The following RIMS2 variants were observed in gnomAD, a reference collection of about 807,000 sequenced individuals.
RIMS2 encodes the protein regulating synaptic membrane exocytosis protein 2.
In RIMS2, 59 loss-of-function variants were observed where a neutral mutation model predicts 174.4. The ratio of observed to expected loss-of-function variants is 0.34; its 90% CI spans 0.27 to 0.42. The LOEUF is 0.42. Ranked by LOEUF, RIMS2 falls within the 10% of genes least tolerant of loss-of-function variation. The probability of loss-of-function intolerance (pLI) is 1.00; values close to 1 mark genes in which losing one functional copy is unlikely to be tolerated. For missense variants in RIMS2, 1,620 were observed against 1,666.3 expected, an observed-to-expected ratio of 0.97 and a Z score of 0.48; for synonymous variants, 606 against 572.5, an observed-to-expected ratio of 1.06 and a Z score of -0.84.
intron 1 of RIMS2, among the ~76,000 whole-genome samples, chr8:103,546,991 T>G (rs1845422166): frequency 1.1e-5 from 1 of 89,100 alleles, no homozygotes; most frequent in Non-Finnish European, 2.5e-5. Context: ...ACATCCTAGC[T>G]AAAATTAGGG....
chr8:103,626,684 TG>T (rs1221781920), intron 1 of RIMS2, among the ~76,000 whole-genome samples: 2 of 152,124 alleles, frequency 1.3e-5, no homozygotes, highest in Non-Finnish European at 2.9e-5. Flanking sequence ...AAATGTCAGC[TG>T]GTCTGAGAAA....
At chr8:103,537,006 T>A (rs1840107461) in intron 1 of RIMS2, among the ~76,000 whole-genome samples, 1 of 152,262 alleles carries the variant, frequency 6.6e-6, no homozygotes, top group African/African-American at 2.4e-5. Flanking sequence ...TTCATTGAAC[T>A]TTTAATTCAC....
At chr8:103,705,914 G>C (rs936809080) in intron 2 of RIMS2, among the ~76,000 whole-genome samples, 2 of 150,308 alleles carry the variant, frequency 1.3e-5, no homozygotes, top group Non-Finnish European at 3.0e-5. Flanking sequence ...TAGTATTATT[G>C]ATCAGTAACC....
chr8:103,716,643 A>G (rs920459049), intron 2 of RIMS2, among the ~76,000 whole-genome samples: 2 of 151,998 alleles, frequency 1.3e-5, no homozygotes, highest in Admixed American at 1.3e-4. Flanking sequence ...ATAATCTTCT[A>G]TTATGCTAAA....
chr8:103,607,278 T>C (rs538150764), intron 1 of RIMS2, among the ~76,000 whole-genome samples: 2 of 152,308 alleles, frequency 1.3e-5, no homozygotes, highest in East Asian at 3.9e-4. Flanking sequence ...TTTGGCTGGA[T>C]ATGAAATTCT....
chr8:103,902,289 T>G (rs78566497), intron 4 of RIMS2, among the ~76,000 whole-genome samples: 21,048 of 152,060 alleles, frequency 0.14, 1,656 homozygotes, highest in Middle Eastern at 0.24. Flanking sequence ...GCAAAGAGAG[T>G]ATCTAAAACA....
At chr8:103,826,216 G>T (rs1195508535) in intron 3 of RIMS2, among the ~76,000 whole-genome samples, 3 of 151,942 alleles carry the variant, frequency 2.0e-5, no homozygotes, top group African/African-American at 7.2e-5. Context: ...ATGAGTAGAA[G>T]TTTTAATTCT....
At chr8:103,922,871 A>C (rs896101962) in intron 10 of RIMS2, among the ~76,000 whole-genome samples, 2 of 151,982 alleles carry the variant, frequency 1.3e-5, no homozygotes, top group Non-Finnish European at 2.9e-5. Flanking sequence ...ATCATTAGAC[A>C]TGTCTTTTTT....
intron 1 of RIMS2, among the ~76,000 whole-genome samples, chr8:103,689,592 C>A (rs2092266094): frequency 2.0e-5 from 3 of 151,992 alleles, no homozygotes; most frequent in Admixed American, 6.6e-5. Context: ...GAATTGATTC[C>A]TTTATCATTA....
upstream of RIMS2, chr8:103,500,653 C>T (rs892849130): frequency 2.0e-6 from 1 of 489,858 alleles, no homozygotes; most frequent in African/African-American, 2.0e-5. Flanking sequence ...GCCCTTCGCC[C>T]CCGGGAAGAA....
chr8:104,003,124 G>C (rs1357027988), intron 17 of RIMS2, among the ~76,000 whole-genome samples: 1 of 151,866 alleles, frequency 6.6e-6, no homozygotes, highest in Non-Finnish European at 1.5e-5. Context: ...TCCCTGCTTA[G>C]AGCTATACAC....
At chr8:103,666,509 G>A (rs1046228498) in intron 1 of RIMS2, among the ~76,000 whole-genome samples, 3 of 152,176 alleles carry the variant, frequency 2.0e-5, no homozygotes, top group Admixed American at 2.0e-4. Context: ...GGTTTTGTAA[G>A]TCCTTGTAAA....
intron 4 of RIMS2, among the ~76,000 whole-genome samples, chr8:103,898,913 C>T (rs1187006783): frequency 2.0e-5 from 3 of 150,984 alleles, no homozygotes; most frequent in Non-Finnish European, 4.4e-5. Flanking sequence ...GTGATGTTCC[C>T]CTTCCTGTCC....
chr8:103,594,335 T>C (rs1214004247), intron 1 of RIMS2, among the ~76,000 whole-genome samples: 1 of 151,710 alleles, frequency 6.6e-6, no homozygotes, highest in Non-Finnish European at 1.5e-5. Flanking sequence ...AGACAAGATG[T>C]TCCTTATGGA....
At chr8:103,611,660 T>C (rs55744580) in intron 1 of RIMS2, among the ~76,000 whole-genome samples, 18,806 of 151,326 alleles carry the variant, frequency 0.12, 1,257 homozygotes, top group Middle Eastern at 0.22. Context: ...AGCTACATTG[T>C]ATGTTATTTG....
intron 9 of RIMS2, chr8:103,920,825 T>TAAA: frequency 1.4e-5 from 4 of 279,652 alleles, no homozygotes; most frequent in South Asian, 5.4e-5. Flanking sequence ...CCGTCTCTAC[T>TAAA]AAAAAAAAAA....
Position 103,733,473 on chromosome 8 carries a change from A to G in RIMS2, c.388-32754A>G, listed in dbSNP as rs148074275. On this transcript the variant is annotated intron_variant, in intron 2 of 23. Coordinates refer to ENST00000504942, the Ensembl canonical transcript of RIMS2. ...CAAGTTCACTGACTTCAAGCCCAGC[A>G]TAGCACCAGGACTTACCCAGAAATC... 6.2e-3 allele frequency among the ~76,000 whole-genome samples: 938 copies of G among 152,270 alleles called. 12 individuals carry two copies. Among genetic ancestry groups the G allele is most frequent in the African/African-American group, 0.021 (887 of 41,550 alleles).
chr8:103,754,574 G>T (rs1419523182), intron 2 of RIMS2, among the ~76,000 whole-genome samples: 3 of 152,222 alleles, frequency 2.0e-5, no homozygotes, highest in South Asian at 2.1e-4. Context: ...AAGTCTCTTT[G>T]TAGGTCTCTA....
intron 11 of RIMS2, among the ~76,000 whole-genome samples, chr8:103,929,628 A>G (rs1458651795): frequency 6.6e-6 from 1 of 151,898 alleles, no homozygotes; most frequent in African/African-American, 2.4e-5. Context: ...AGAGAATACC[A>G]TAGAAATCAG....
Sources: gnomAD v4.1 joint callset for allele counts (sites outside exome capture counted in the v4.1 genomes callset) on GRCh38, gnomAD v4.1.1 for gene constraint, MANE v1.5 for transcripts, NCBI Gene and HGNC (gene_info 2026-07-23, HGNC 2026-07-21) for gene names.